The following NF1 variants were observed in gnomAD, a reference collection of about 807,000 sequenced individuals.
The protein encoded by NF1 is neurofibromin 1.
NF1 carries 122 observed loss-of-function variants against 325.7 expected under a neutral mutation model. That is an observed-to-expected ratio of 0.37 (90% CI 0.32 to 0.44). The LOEUF (loss-of-function observed/expected upper bound fraction) is 0.44, where lower values mean the gene tolerates loss of function less well. NF1 is among the 20% of genes least tolerant of loss of function. The pLI is 1.00. For synonymous variants in NF1, 1,091 were observed against 1,186.0 expected, an observed-to-expected ratio of 0.92 and a Z score of 1.65; for missense variants, 2,140 against 3,415.4, an observed-to-expected ratio of 0.63 and a Z score of 9.31.
At chr17:31,203,787 A>AG (rs1438166659) in intron 11 of NF1, among the ~76,000 whole-genome samples, 1 of 152,096 alleles carries the variant, frequency 6.6e-6, no homozygotes, top group Non-Finnish European at 1.5e-5. Flanking sequence ...TTTTTTTTAA[A>AG]GCATCACATT....
At chr17:31,097,672 G>C (rs1343530403) in intron 1 of NF1, among the ~76,000 whole-genome samples, 2 of 151,914 alleles carry the variant, frequency 1.3e-5, no homozygotes, top group African/African-American at 4.8e-5. Flanking sequence ...TTGTAATTAA[G>C]AGAAAGATAT....
chr17:31,237,656 CTTTTT>C (rs34107657), intron 29 of NF1, among the ~76,000 whole-genome samples: 3 of 126,098 alleles, frequency 2.4e-5, no homozygotes, highest in East Asian at 2.3e-4. Flanking sequence ...CTCATGTCTA[CTTTTT>C]TTTTTTTTTT....
intron 1 of NF1, among the ~76,000 whole-genome samples, chr17:31,130,764 G>T (rs2143460393): frequency 6.6e-6 from 1 of 152,294 alleles, no homozygotes; most frequent in East Asian, 1.9e-4. Context: ...GCACGCATGT[G>T]TGCTGGCGGG....
In NF1 at chr17:31,349,209, G is replaced by C. The variant is rs1230353186; in HGVS notation, c.7279G>C (p.Asp2427His). 1 of 1,613,466 alleles carries C rather than the reference G, an allele frequency of 6.2e-7. No individual in the cohort carries two copies. The highest frequency in any genetic ancestry group is 8.5e-7 in the Non-Finnish European group (1 of 1,179,790). ...TCTGGTTAACAAACACAGAAATTGT[G>C]ACAAATTTGAAGTGAATACACAGAG... ...LTLVNKHRNC[D>H]KFEVNTQSVA... The change falls in exon 49 of 58, where the codon GAC becomes CAC. Residue 2427 changes from aspartate (D) to histidine (H), a missense_variant. This residue lies in a region of NF1 where 522 missense variants were observed against 749.0 expected (regional missense o/e 0.70). Transcript: ENST00000358273.
chr17:31,096,970 C>T (rs1382233040), intron 1 of NF1, among the ~76,000 whole-genome samples: 4 of 152,172 alleles, frequency 2.6e-5, no homozygotes, highest in African/African-American at 4.8e-5. Flanking sequence ...TTAAAAGGCA[C>T]ATAGAAGACT....
At chr17:31,180,825 A>G (rs2066116120) in intron 5 of NF1, among the ~76,000 whole-genome samples, 1 of 152,230 alleles carries the variant, frequency 6.6e-6, no homozygotes, top group Admixed American at 6.5e-5. Context: ...TGCAGATGAC[A>G]TGGTTGTATG....
At chr17:31,298,658 T>C (rs1167668390) in intron 36 of NF1, among the ~76,000 whole-genome samples, 2 of 152,148 alleles carry the variant, frequency 1.3e-5, no homozygotes, top group Non-Finnish European at 2.9e-5. Context: ...CACTTTACTT[T>C]GAGGGTTCAG....
At position 31,232,205 on chromosome 17, in the gene NF1, C is replaced by CA; in HGVS notation, c.3314+22dup. On this transcript the variant is annotated intron_variant, in intron 25 of 57. Coordinates refer to ENST00000358273, the MANE Select transcript of NF1 (RefSeq NM_001042492.3). ...TATTTCTTAAGTAAATTTCAGTCACCAAAAAACATAAAGCAAAAAGCAAAT... is the reference window on the plus strand; with the variant it reads ...TATTTCTTAAGTAAATTTCAGTCACCAAAAAAACATAAAGCAAAAAGCAAAT... The CA allele has an allele frequency of 6.6e-7, 1 of 1,508,196 alleles. No homozygotes were observed. The highest frequency in any genetic ancestry group is 9.2e-7 in the Non-Finnish European group (1 of 1,084,664). The allele number at this position is 1,508,196 out of a possible 1,614,324, so 93.4% of individuals were successfully genotyped here.
chr17:31,156,987 A>AAATG (rs202015133), intron 2 of NF1, among the ~76,000 whole-genome samples: 9 of 152,206 alleles, frequency 5.9e-5, no homozygotes, highest in African/African-American at 1.4e-4. Context: ...ATGAATGAAT[A>AAATG]AATGAATGAA....
intron 16 of NF1, 124 bp from the exon 17 acceptor site, chr17:31,224,971 G>T: frequency 1.1e-6 from 1 of 926,694 alleles, no homozygotes. Context: ...CTTCAAGTTG[G>T]GGCATAGAGA....
At chr17:31,288,121 A>G (rs1384318628) in intron 36 of NF1, among the ~76,000 whole-genome samples, 1 of 152,048 alleles carries the variant, frequency 6.6e-6, no homozygotes, top group East Asian at 1.9e-4. Context: ...ACATAGTTTT[A>G]AAAATACAAA....
At chr17:31,214,694 T>A (rs2066790586) in intron 13 of NF1, 109 bp downstream of exon 13, 1 of 951,634 alleles carries the variant, frequency 1.1e-6, no homozygotes, top group East Asian at 2.6e-5. Context: ...CACTTACTGA[T>A]CCTTTCTGAT....
intron 5 of NF1, among the ~76,000 whole-genome samples, chr17:31,179,736 T>G (rs1269788538): frequency 6.6e-6 from 1 of 151,126 alleles, no homozygotes; most frequent in Non-Finnish European, 1.5e-5. Flanking sequence ...TGAGCCAGGA[T>G]CGTGCAACTG....
chr17:31,164,415 T>G (rs2065812717), intron 4 of NF1, among the ~76,000 whole-genome samples: 1 of 152,232 alleles, frequency 6.6e-6, no homozygotes, highest in Non-Finnish European at 1.5e-5. Flanking sequence ...AAATTGTTGT[T>G]ATGCACATGA....
At chr17:31,192,798 T>A (rs1357234385) in intron 8 of NF1, among the ~76,000 whole-genome samples, 1 of 152,188 alleles carries the variant, frequency 6.6e-6, no homozygotes, top group African/African-American at 2.4e-5. Flanking sequence ...CAGAGTCAGA[T>A]TGAAAAGTAA....
chr17:31,168,173 C>T lies in NF1; in HGVS notation c.480-1718C>T, dbSNP rs2065875183. ...CATTGTGGAAAAATGGAAAAATACA[C>T]ATAGAATAGTACTTCAAATCCCCAT... On this transcript the variant is annotated intron_variant, in intron 4 of 57. Transcript: ENST00000358273. Among the ~76,000 whole-genome samples, 5 of 152,116 alleles carry T rather than the reference C, an allele frequency of 3.3e-5. 1 individual carries two copies. The South Asian group carries it at 1.0e-3, about 32-fold the overall frequency.
chr17:31,206,769 G>A (rs894478275), intron 12 of NF1, among the ~76,000 whole-genome samples: 1 of 152,040 alleles, frequency 6.6e-6, no homozygotes, highest in Non-Finnish European at 1.5e-5. Flanking sequence ...GCACATTTTA[G>A]CTAATTGAAT....
chr17:31,365,076 G>C (rs2070484353), intron 57 of NF1, among the ~76,000 whole-genome samples: 1 of 151,754 alleles, frequency 6.6e-6, no homozygotes, highest in South Asian at 2.1e-4. Context: ...GAGGCAGGTG[G>C]ATTGCTTGAG....
At chr17:31,228,502 A>C (rs1002084734) in intron 20 of NF1, among the ~76,000 whole-genome samples, 2 of 152,160 alleles carry the variant, frequency 1.3e-5, no homozygotes, top group African/African-American at 4.8e-5. Context: ...GACTGTTTTT[A>C]ATGTATTCAC....
Sources: allele counts gnomAD v4.1 joint callset (sites outside exome capture counted in the v4.1 genomes callset), GRCh38; gene constraint gnomAD v4.1.1; regional missense constraint gnomAD v4.1.1; transcripts MANE v1.5; gene names NCBI Gene and HGNC (gene_info 2026-07-23, HGNC 2026-07-21).